Variants in RFC2 observed in about 807,000 individuals in gnomAD.
RFC2 encodes replication factor C subunit 2, also known as A1 40 kDa subunit.
A neutral mutation model predicts 44.8 loss-of-function variants in RFC2; 34 were observed. That is an observed-to-expected ratio of 0.76 (90% CI 0.58 to 1.01). The LOEUF is 1.01. RFC2 is among the 50% of genes least tolerant of loss of function. The probability of loss-of-function intolerance (pLI) is 0.00; values close to 1 mark genes in which losing one functional copy is unlikely to be tolerated. For missense variants in RFC2, 400 were observed against 453.6 expected, an observed-to-expected ratio of 0.88 and a Z score of 1.07; for synonymous variants, 177 against 168.9, an observed-to-expected ratio of 1.05 and a Z score of -0.37.
chr7:74,247,483 T>C (rs911374890), intron 4 of RFC2, among the ~76,000 whole-genome samples: 7 of 152,034 alleles, frequency 4.6e-5, no homozygotes, highest in African/African-American at 9.7e-5. Flanking sequence ...TTACTAAAAA[T>C]ACAAAAATTA....
chr7:74,241,713 A>C (rs1803339488), intron 6 of RFC2, among the ~76,000 whole-genome samples: 1 of 152,198 alleles, frequency 6.6e-6, no homozygotes, highest in Admixed American at 6.6e-5. Context: ...TAATCCCAGC[A>C]CTTTGCGAGG....
chr7:74,239,082 C>G lies in RFC2; in HGVS notation c.694-94G>C, dbSNP rs1379814395. On this transcript the variant is annotated intron_variant, in intron 7 of 10. Transcript: ENST00000055077. Reference sequence around the variant, plus strand: ...CTCGCTATGTTGCCCAGGCTGGTCTCGAACTCCTGGGCTTAAGCGATTCTC... The same window carrying G: ...CTCGCTATGTTGCCCAGGCTGGTCTGGAACTCCTGGGCTTAAGCGATTCTC... 1.6e-5 allele frequency: 16 copies of G among 988,024 alleles called. No homozygotes were observed. The Admixed American group carries it at 3.3e-4, about 20-fold the overall frequency. The allele number at this position is 988,024 out of a possible 1,614,324, so 61.2% of individuals were successfully genotyped here. A position where few individuals can be genotyped will look rare whatever the true frequency, so the allele number is the denominator to read the frequency against.
chr7:74,243,339 C>T, intron 5 of RFC2, 93 bp from the exon 6 acceptor site: 1 of 820,254 alleles, frequency 1.2e-6, no homozygotes, highest in Non-Finnish European at 2.1e-6. Context: ...AAGACACATC[C>T]AATGTCCTAA....
rs556120036 is a variant in RFC2, at chr7:74,236,217, T to C, written c.841-572A>G. ...CCTGCCCCACCCAGGCTGCAGCGTC[T>C]GGAGGCAGGCCTTTTTGCCTTTGTT... On this transcript the variant is annotated intron_variant, in intron 9 of 10. Coordinates refer to ENST00000055077, the MANE Select transcript of RFC2 (RefSeq NM_181471.3). 6.3e-5 allele frequency among the ~76,000 whole-genome samples: 9 copies of C among 143,158 alleles called. No homozygotes were observed. In the South Asian group the frequency reaches 2.0e-3, roughly 32 times the overall value. 93.9% of individuals were successfully genotyped at this position (143,158 alleles called of 152,430 possible). A position where few individuals can be genotyped will look rare whatever the true frequency, so the allele number is the denominator to read the frequency against.
chr7:74,246,195 C>CAAAA (rs1179826046), intron 5 of RFC2, among the ~76,000 whole-genome samples: 5 of 143,972 alleles, frequency 3.5e-5, no homozygotes, highest in African/African-American at 5.2e-5. Flanking sequence ...GACTCTGTCT[C>CAAAA]AAAAAAAAAA....
rs1157187580 is a variant in RFC2 at position 74,243,179 on chromosome 7, C to T, written c.502G>A (p.Ala168Thr). The T allele has an allele frequency of 2.5e-6, 4 of 1,613,764 alleles. No homozygotes were observed. The highest frequency in any genetic ancestry group is 1.1e-5 in the South Asian group (1 of 91,060). The change falls in exon 6 of 11, where the codon GCC (alanine) becomes ACC (threonine). Residue 168 changes from alanine to threonine, a missense_variant. Physicochemically the swap from Ala to Thr is moderately conservative, Grantham distance 58. Coordinates refer to ENST00000055077, the MANE Select transcript of RFC2 (RefSeq NM_181471.3). Reference protein sequence around the residue: ...MEIYSKTTRFALACNASDKII... With the variant: ...MEIYSKTTRFTLACNASDKII... ...TTATCCGAAGCATTACAAGCAAGGGCGAAGCGAGTGGTTTTAGAGTAGATT... is the reference window on the plus strand; with the variant it reads ...TTATCCGAAGCATTACAAGCAAGGGTGAAGCGAGTGGTTTTAGAGTAGATT...
At chr7:74,243,590 CT>C (rs1231457606) in intron 5 of RFC2, among the ~76,000 whole-genome samples, 9 of 151,328 alleles carry the variant, frequency 5.9e-5, no homozygotes, top group African/African-American at 2.2e-4. Context: ...ACTTTTCTTT[CT>C]TCCTTTTTTA....
At chr7:74,246,324 G>A (rs948766284) in intron 5 of RFC2, among the ~76,000 whole-genome samples, 3 of 151,362 alleles carry the variant, frequency 2.0e-5, no homozygotes, top group East Asian at 1.9e-4. Flanking sequence ...GCCTGAACCC[G>A]GGAGGCGGAG....
chr7:74,239,811 GA>G, intron 7 of RFC2, 126 bp downstream of exon 7: 1 of 886,918 alleles, frequency 1.1e-6, no homozygotes. Context: ...ACTGTCCCAG[GA>G]GGGTGCCAGG....
chr7:74,237,422 T>TG lies in RFC2; in HGVS notation c.779dup (p.Leu261ThrfsTer16). On this transcript the variant is annotated frameshift_variant, in exon 9 of 11. Coordinates refer to ENST00000055077, the MANE Select transcript of RFC2 (RefSeq NM_181471.3). LOFTEE classifies it high-confidence loss of function. Reference sequence around the variant, plus strand: ...GCTGGATCATCTCCTTTACCAGCAGTGGGTGGGGCTCGTCACAGACCTGGC... The same window carrying TG: ...GCTGGATCATCTCCTTTACCAGCAGTGGGGTGGGGCTCGTCACAGACCTGGC... 6.9e-6 allele frequency: 11 copies of TG among 1,596,304 alleles called. No individual in the cohort carries two copies. The highest frequency in any genetic ancestry group is 9.4e-6 in the Non-Finnish European group (11 of 1,170,214).
chr7:74,239,085 A>C (rs1584248755), intron 7 of RFC2, 97 bp from the exon 8 acceptor site: 3 of 954,330 alleles, frequency 3.1e-6, no homozygotes, highest in Non-Finnish European at 4.9e-6. Flanking sequence ...CTGGTCTCGA[A>C]CTCCTGGGCT....
chr7:74,251,572 G>A (rs1786946769), intron 2 of RFC2, among the ~76,000 whole-genome samples: 1 of 152,052 alleles, frequency 6.6e-6, no homozygotes, highest in African/African-American at 2.4e-5. Context: ...GGCCGAGGCA[G>A]GCGGATCACG....
chr7:74,241,406 T>C (rs1749217133), intron 6 of RFC2, among the ~76,000 whole-genome samples: 1 of 152,284 alleles, frequency 6.6e-6, no homozygotes, highest in South Asian at 2.1e-4. Flanking sequence ...ATCAGTGCGA[T>C]TTTGGGAAGG....
intron 10 of RFC2, chr7:74,233,697 T>C (rs1358954889): frequency 2.5e-6 from 1 of 403,914 alleles, no homozygotes; most frequent in African/African-American, 2.1e-5. Context: ...ACCTCCTGGG[T>C]TCAAGCGATC....
Position 74,238,152 on chromosome 7 carries a change from CCCTT to C in RFC2, c.760-714_760-711del, listed in dbSNP as rs1357824584. ...TCACCCCTGTTTCTGAGCGGGCCTC[CCCTT>C]CCTAAGTGGCCTCGAAAATGCATTC... is the stretch of plus-strand genomic sequence containing the variant. On this transcript the variant is annotated intron_variant, in intron 8 of 10. Coordinates refer to ENST00000055077, the MANE Select transcript of RFC2 (RefSeq NM_181471.3). The surrounding 1 kb of genome is among the most constrained non-coding windows in gnomAD (Gnocchi z 4.0). Among the ~76,000 whole-genome samples, 1 of 152,050 alleles carries C rather than the reference CCCTT, an allele frequency of 6.6e-6. No homozygotes were observed. Among genetic ancestry groups the C allele is most frequent in the Non-Finnish European group, 1.5e-5 (1 of 68,010 alleles).
intron 7 of RFC2, among the ~76,000 whole-genome samples, 166 bp downstream of exon 7, chr7:74,239,772 C>T (rs1803222154): frequency 6.6e-6 from 1 of 152,206 alleles, no homozygotes; most frequent in Non-Finnish European, 1.5e-5. Context: ...TTCCCTGCCT[C>T]TCTTCTTGGA....
intron 2 of RFC2, 109 bp downstream of exon 2, chr7:74,252,320 T>C: frequency 1.6e-6 from 1 of 617,164 alleles, no homozygotes; most frequent in Non-Finnish European, 2.9e-6. Context: ...GGCAGGAGAA[T>C]GGCATGAACC....
intron 7 of RFC2, among the ~76,000 whole-genome samples, chr7:74,239,244 C>T (rs561377323): frequency 8.8e-5 from 13 of 147,300 alleles, no homozygotes; most frequent in African/African-American, 3.3e-4. Context: ...GGCACAATCT[C>T]GAGTCACTGC....
rs1299452234 is a variant in RFC2 at position 74,233,004 on chromosome 7, G to A, written c.955-788C>T. On this transcript the variant is annotated intron_variant, in intron 10 of 10. Coordinates refer to ENST00000055077, the MANE Select transcript of RFC2 (RefSeq NM_181471.3). ...CTGAGGCAGGAGGATCACTTGCCCA[G>A]AGTTGGGCCTGGGCAACATAGCAAC... Among the ~76,000 whole-genome samples the A allele has an allele frequency of 2.0e-5, 3 of 151,910 alleles. No homozygotes were observed. The South Asian group carries it at 6.2e-4, about 32-fold the overall frequency.
Sources: allele counts gnomAD v4.1 joint callset (sites outside exome capture counted in the v4.1 genomes callset), GRCh38; gene constraint gnomAD v4.1.1; non-coding constraint Gnocchi (gnomAD v3.1); transcripts MANE v1.5; gene names NCBI Gene and HGNC (gene_info 2026-07-23, HGNC 2026-07-21).